The following OLA1 variants were observed in gnomAD, a reference collection of about 807,000 sequenced individuals.
The protein encoded by OLA1 is obg-like ATPase 1.
A neutral mutation model predicts 48.4 loss-of-function variants in OLA1; 14 were observed. The observed-to-expected ratio is 0.29, with a 90% CI of 0.19 to 0.45. The LOEUF (loss-of-function observed/expected upper bound fraction) is 0.45, where lower values mean the gene tolerates loss of function less well. Ranked by LOEUF, OLA1 falls within the 20% of genes least tolerant of loss-of-function variation. The pLI, the probability that OLA1 is intolerant of heterozygous loss-of-function variation, is 1.00. For synonymous variants in OLA1, 127 were observed against 150.4 expected, an observed-to-expected ratio of 0.84 and a Z score of 1.14; for missense variants, 325 against 467.1, an observed-to-expected ratio of 0.70 and a Z score of 2.80.
intron 4 of OLA1, among the ~76,000 whole-genome samples, chr2:174,197,829 G>A (rs1477006574): frequency 2.0e-5 from 3 of 152,234 alleles, no homozygotes; most frequent in African/African-American, 7.2e-5. Flanking sequence ...ATGCTGGAGT[G>A]TAGGTTTAAC....
chr2:174,242,362 C>A (rs1347473150), intron 2 of OLA1, among the ~76,000 whole-genome samples: 1 of 152,218 alleles, frequency 6.6e-6, no homozygotes, highest in Admixed American at 6.5e-5. Context: ...CTCTGAGAAT[C>A]GAATGCTGCT....
chr2:174,151,767 T>C (rs955647845), intron 4 of OLA1, among the ~76,000 whole-genome samples: 9 of 152,210 alleles, frequency 5.9e-5, no homozygotes, highest in African/African-American at 2.2e-4. Flanking sequence ...TCTATAGTTT[T>C]ATTAATAAAC....
At chr2:174,217,028 T>C (rs929429469) in intron 4 of OLA1, among the ~76,000 whole-genome samples, 2 of 152,188 alleles carry the variant, frequency 1.3e-5, no homozygotes, top group Non-Finnish European at 2.9e-5. Flanking sequence ...ATTTCAACTG[T>C]GCAAGGGTCA....
At chr2:174,204,022 T>C (rs1688052056) in intron 4 of OLA1, among the ~76,000 whole-genome samples, 1 of 151,660 alleles carries the variant, frequency 6.6e-6, no homozygotes, top group Admixed American at 6.6e-5. Flanking sequence ...CTTGAACTCC[T>C]GACCTCGTGA....
chr2:174,078,143 A>G (rs1684788468), intron 10 of OLA1, among the ~76,000 whole-genome samples: 2 of 152,058 alleles, frequency 1.3e-5, no homozygotes, highest in South Asian at 2.1e-4. Flanking sequence ...AGTGAAAATA[A>G]AGTAAACCTG....
intron 7 of OLA1, among the ~76,000 whole-genome samples, chr2:174,119,066 T>G (rs752970454): frequency 6.6e-6 from 1 of 151,828 alleles, no homozygotes; most frequent in African/African-American, 2.4e-5. Flanking sequence ...AAAAATATAT[T>G]CAAATGCAAA....
intron 2 of OLA1, among the ~76,000 whole-genome samples, chr2:174,238,302 C>T (rs1688906942): frequency 6.6e-6 from 1 of 152,004 alleles, no homozygotes; most frequent in South Asian, 2.1e-4. Flanking sequence ...TTGAGACCAG[C>T]CTGGGTCAAC....
At chr2:174,160,888 C>A (rs1686994271) in intron 4 of OLA1, among the ~76,000 whole-genome samples, 1 of 152,106 alleles carries the variant, frequency 6.6e-6, no homozygotes, top group African/African-American at 2.4e-5. Flanking sequence ...TAGAAACCAC[C>A]AATGATTTGC....
chr2:174,211,116 T>A (rs1688231721), intron 4 of OLA1, among the ~76,000 whole-genome samples: 1 of 151,992 alleles, frequency 6.6e-6, no homozygotes, highest in African/African-American at 2.4e-5. Context: ...GAAATTCATT[T>A]GTTATTAGGA....
intron 3 of OLA1, among the ~76,000 whole-genome samples, chr2:174,226,495 A>G (rs1234836821): frequency 6.7e-6 from 1 of 149,828 alleles, no homozygotes; most frequent in Non-Finnish European, 1.5e-5. Context: ...TTTTTTTGGC[A>G]GGAATTTCTT....
chr2:174,162,925 G>C (rs1349046575), intron 4 of OLA1, among the ~76,000 whole-genome samples: 3 of 152,210 alleles, frequency 2.0e-5, no homozygotes, highest in South Asian at 4.2e-4. Context: ...CGTGTATGTA[G>C]TCCCAGCTAC....
chr2:174,209,632 A>C (rs1688198617), intron 4 of OLA1, among the ~76,000 whole-genome samples: 1 of 152,108 alleles, frequency 6.6e-6, no homozygotes, highest in Non-Finnish European at 1.5e-5. Flanking sequence ...GTAGGGGCAA[A>C]AGAGACTCTA....
Position 174,074,436 on chromosome 2 carries a change from T to G in OLA1, c.*990A>C, listed in dbSNP as rs879285096. 2.6e-5 allele frequency: 4 copies of G among 151,706 alleles called. No homozygotes were observed. Among genetic ancestry groups the G allele is most frequent in the Non-Finnish European group, 5.9e-5 (4 of 67,826 alleles). 9.4% of individuals were successfully genotyped at this position (151,706 alleles called of 1,614,324 possible). On this transcript the variant is annotated 3_prime_UTR_variant, in exon 11 of 11. Transcript: ENST00000284719. The stretch of plus-strand genomic sequence containing the variant: ...TTTCTGCTACAATGTTAAGAAGTGC[T>G]TAACTTACCCATACTACCACTTCGA...
chr2:174,137,452 G>A (rs1012894321), intron 5 of OLA1, among the ~76,000 whole-genome samples: 78 of 152,300 alleles, frequency 5.1e-4, no homozygotes, highest in Admixed American at 1.2e-3. Context: ...GTCACCAACC[G>A]CATTAGCCCT....
chr2:174,206,406 T>C (rs1257789414), intron 4 of OLA1, among the ~76,000 whole-genome samples: 1 of 152,002 alleles, frequency 6.6e-6, no homozygotes, highest in Non-Finnish European at 1.5e-5. Context: ...AACTGATCAT[T>C]AAAGATCAAG....
chr2:174,176,661 G>C (rs1391938413), intron 4 of OLA1, among the ~76,000 whole-genome samples: 1 of 151,978 alleles, frequency 6.6e-6, no homozygotes, highest in Non-Finnish European at 1.5e-5. Flanking sequence ...AGTACTCTAG[G>C]ATATTAAAAG....
chr2:174,247,722 C>G, intron 1 of OLA1: 1 of 1,551,100 alleles, frequency 6.4e-7, no homozygotes, highest in Non-Finnish European at 8.7e-7. Flanking sequence ...ACTGAAGGTA[C>G]GGCTCATCAG....
chr2:174,142,752 A>G (rs1396637521), intron 4 of OLA1, among the ~76,000 whole-genome samples: 19 of 152,254 alleles, frequency 1.2e-4, no homozygotes, highest in Non-Finnish European at 4.4e-5. Flanking sequence ...CCTTTTGAAG[A>G]CATAATGTGG....
intron 7 of OLA1, among the ~76,000 whole-genome samples, chr2:174,086,290 C>T (rs1684975384): frequency 6.6e-6 from 1 of 152,132 alleles, no homozygotes; most frequent in African/African-American, 2.4e-5. Context: ...ATGACAGCTT[C>T]TTCTGGGCTT....
Sources: gnomAD v4.1 joint callset for allele counts (sites outside exome capture counted in the v4.1 genomes callset) on GRCh38, gnomAD v4.1.1 for gene constraint, MANE v1.5 for transcripts, NCBI Gene and HGNC (gene_info 2026-07-23, HGNC 2026-07-21) for gene names.